The following FER variants were observed in gnomAD, a reference collection of about 807,000 sequenced individuals.
The protein encoded by FER is tyrosine-protein kinase Fer.
A neutral mutation model predicts 111.0 loss-of-function variants in FER; 63 were observed. That is an observed-to-expected ratio of 0.57 (90% CI 0.46 to 0.70). The LOEUF is 0.70. Ranked by LOEUF, FER falls within the 30% of genes least tolerant of loss-of-function variation. FER has a pLI of 0.00. For missense variants in FER, 914 were observed against 954.0 expected, an observed-to-expected ratio of 0.96 and a Z score of 0.55; for synonymous variants, 327 against 313.9, an observed-to-expected ratio of 1.04 and a Z score of -0.44.
At chr5:108,932,534 G>C (rs1473014127) in intron 10 of FER, among the ~76,000 whole-genome samples, 1 of 152,074 alleles carries the variant, frequency 6.6e-6, no homozygotes. Flanking sequence ...TGGGTATATA[G>C]CCAGTAATGG....
At chr5:108,787,313 C>A (rs546014893) in intron 2 of FER, among the ~76,000 whole-genome samples, 1 of 152,168 alleles carries the variant, frequency 6.6e-6, no homozygotes, top group Non-Finnish European at 1.5e-5. Flanking sequence ...TATCGACAAG[C>A]GTAGGAGGGG....
chr5:108,924,304 G>C lies in FER; in HGVS notation c.1237-21826G>C, dbSNP rs530102430. On this transcript the variant is annotated intron_variant, in intron 10 of 19. Coordinates refer to ENST00000281092, the MANE Select transcript of FER (RefSeq NM_005246.4). ...GAACCCGGGAAGCAGAGGTTGCAGAGAGTCAAGAGCATGCCATTGCACTCC... is the reference window on the plus strand; with the variant it reads ...GAACCCGGGAAGCAGAGGTTGCAGACAGTCAAGAGCATGCCATTGCACTCC... 2.1e-5 allele frequency among the ~76,000 whole-genome samples: 3 copies of C among 145,394 alleles called. No individual in the cohort carries two copies. The Admixed American group carries it at 2.1e-4, about 10-fold the overall frequency.
At chr5:108,771,312 T>C (rs1752874651) in intron 2 of FER, among the ~76,000 whole-genome samples, 1 of 152,236 alleles carries the variant, frequency 6.6e-6, no homozygotes, top group African/African-American at 2.4e-5. Context: ...GTTATCTGTT[T>C]TAACTATTTT....
At position 108,822,764 on chromosome 5, in the gene FER, T is replaced by TG. The variant is rs113676156; in HGVS notation, c.208-10006_208-10005insG. 3.0e-4 allele frequency among the ~76,000 whole-genome samples: 13 copies of TG among 43,166 alleles called. No homozygotes were observed. The African/African-American group carries it at 4.6e-3, about 15-fold the overall frequency. 28.3% of individuals were successfully genotyped at this position (43,166 alleles called of 152,430 possible). ...TTTTATTTTATTTTATTTTATTTTATTTATTTTATTTTATGTTATTTTATG... is the reference window on the plus strand; with the variant it reads ...TTTTATTTTATTTTATTTTATTTTATGTTATTTTATTTTATGTTATTTTATG... On this transcript the variant is annotated intron_variant, in intron 3 of 19. Coordinates refer to ENST00000281092, the MANE Select transcript of FER (RefSeq NM_005246.4).
intron 3 of FER, among the ~76,000 whole-genome samples, chr5:108,799,868 A>T (rs1166491016): frequency 7.1e-6 from 1 of 140,762 alleles, no homozygotes; most frequent in Non-Finnish European, 1.5e-5. Context: ...TTTGAGATGC[A>T]GTCTCACTTT....
At chr5:108,900,807 T>A (rs547668991) in intron 10 of FER, among the ~76,000 whole-genome samples, 1 of 152,250 alleles carries the variant, frequency 6.6e-6, no homozygotes, top group Non-Finnish European at 1.5e-5. Flanking sequence ...AGGGTTGGGG[T>A]TGTATAGTCA....
intron 3 of FER, among the ~76,000 whole-genome samples, chr5:108,824,704 T>A (rs745846844): frequency 1.4e-4 from 21 of 152,208 alleles, no homozygotes; most frequent in Non-Finnish European, 2.5e-4. Context: ...GATCTTTATA[T>A]GTTGATTTTT....
chr5:109,005,543 A>C (rs567737569), intron 13 of FER, among the ~76,000 whole-genome samples: 2 of 152,348 alleles, frequency 1.3e-5, no homozygotes, highest in African/African-American at 4.8e-5. Flanking sequence ...ACTCCCAGAC[A>C]CATACAAACA....
intron 5 of FER, among the ~76,000 whole-genome samples, chr5:108,845,014 A>ATG (rs1761789660): frequency 3.8e-5 from 2 of 52,160 alleles, no homozygotes; most frequent in South Asian, 6.6e-4. Flanking sequence ...ATATATATAT[A>ATG]TATATATATA....
intron 17 of FER, among the ~76,000 whole-genome samples, chr5:109,101,633 A>G (rs1748248543): frequency 6.6e-6 from 1 of 152,104 alleles, no homozygotes; most frequent in Non-Finnish European, 1.5e-5. Flanking sequence ...CTATGGAGAT[A>G]TTTCTTTTGG....
At chr5:109,025,641 G>A (rs529849824) in intron 13 of FER, among the ~76,000 whole-genome samples, 2,572 of 151,308 alleles carry the variant, frequency 0.017, 63 homozygotes, top group African/African-American at 0.059. Flanking sequence ...GCCCTGGCCA[G>A]AACTTCCAAC....
In FER at chr5:108,844,107, C is replaced by CACATAT. The variant is rs765600330; in HGVS notation, c.481+8301_481+8302insCATATA. Among the ~76,000 whole-genome samples, 490 of 95,138 alleles carry CACATAT rather than the reference C, an allele frequency of 5.2e-3. 13 individuals are homozygous for CACATAT. The highest frequency in any genetic ancestry group is 7.8e-3 in the Non-Finnish European group (345 of 44,264). 62.4% of individuals were successfully genotyped at this position (95,138 alleles called of 152,430 possible). A position where few individuals can be genotyped will look rare whatever the true frequency, so the allele number is the denominator to read the frequency against. Reference sequence around the variant, plus strand: ...ATGCGTGTGAACATATGTGTGTGAACATGTGTGTGAACACATATATGTGTG... The same window carrying CACATAT: ...ATGCGTGTGAACATATGTGTGTGAACACATATATGTGTGTGAACACATATATGTGTG... On this transcript the variant is annotated intron_variant, in intron 5 of 19. Transcript: ENST00000281092.
chr5:109,043,832 G>A (rs921997305), intron 14 of FER, among the ~76,000 whole-genome samples: 4 of 151,952 alleles, frequency 2.6e-5, no homozygotes, highest in Admixed American at 6.6e-5. Flanking sequence ...TTAGCTGGGT[G>A]TGGTGGTGTG....
At chr5:108,837,006 T>C (rs1760734322) in intron 5 of FER, among the ~76,000 whole-genome samples, 1 of 152,184 alleles carries the variant, frequency 6.6e-6, no homozygotes, top group South Asian at 2.1e-4. Context: ...TTTGAGATTA[T>C]GGTCTCTATT....
chr5:108,759,567 A>C (rs904719969), intron 1 of FER, among the ~76,000 whole-genome samples: 43 of 152,250 alleles, frequency 2.8e-4, no homozygotes, highest in Admixed American at 4.6e-4. Context: ...TAATTTAAAA[A>C]TAATAGAAAT....
chr5:108,922,326 A>T (rs1342521961), intron 10 of FER, among the ~76,000 whole-genome samples: 1 of 152,176 alleles, frequency 6.6e-6, no homozygotes, highest in South Asian at 2.1e-4. Context: ...TATTGTCTTT[A>T]TAAATGATCT....
chr5:108,947,166 G>T (rs765044675), intron 11 of FER, among the ~76,000 whole-genome samples: 1 of 151,976 alleles, frequency 6.6e-6, no homozygotes. Context: ...TCGTTTTCAA[G>T]TGTTTTTCTG....
At position 108,879,701 on chromosome 5, in the gene FER, A is replaced by AATATATATAT. The variant is rs1554084618; in HGVS notation, c.924-3680_924-3671dup. ...ATGTATTTTTTTTAGATTAAAAAAA[A>AATATATATAT]ATATATATATATATATATATATATT... On this transcript the variant is annotated intron_variant, in intron 8 of 19. Transcript: ENST00000281092. 6.7e-4 allele frequency among the ~76,000 whole-genome samples: 66 copies of AATATATATAT among 99,090 alleles called. 1 individual carries two copies. Among genetic ancestry groups the AATATATATAT allele is most frequent in the African/African-American group, 9.6e-4 (20 of 20,898 alleles). 65.0% of individuals were successfully genotyped at this position (99,090 alleles called of 152,430 possible).
At chr5:109,078,841 G>A (rs1776663925) in intron 16 of FER, among the ~76,000 whole-genome samples, 1 of 152,184 alleles carries the variant, frequency 6.6e-6, no homozygotes, top group East Asian at 1.9e-4. Context: ...GTCCCCTTAT[G>A]ACTTAATAAG....
Sources: gnomAD v4.1 joint callset for allele counts (sites outside exome capture counted in the v4.1 genomes callset) on GRCh38, gnomAD v4.1.1 for gene constraint, MANE v1.5 for transcripts, NCBI Gene and HGNC (gene_info 2026-07-23, HGNC 2026-07-21) for gene names.